PXK: variants seen among roughly 807,000 people sequenced by gnomAD.
PXK encodes the protein PX domain containing serine/threonine kinase like.
Under a neutral mutation model 84.7 loss-of-function variants are expected in PXK, and 35 were observed. That is an observed-to-expected ratio of 0.41 (90% CI 0.32 to 0.55). The LOEUF is 0.55. Ranked by LOEUF, PXK falls within the 20% of genes least tolerant of loss-of-function variation. PXK has a pLI of 0.21. For missense variants in PXK, 634 were observed against 699.7 expected, an observed-to-expected ratio of 0.91 and a Z score of 1.06; for synonymous variants, 253 against 260.8, an observed-to-expected ratio of 0.97 and a Z score of 0.29.
At chr3:58,408,553 C>T (rs1166399970) in intron 13 of PXK, among the ~76,000 whole-genome samples, 3 of 149,190 alleles carry the variant, frequency 2.0e-5, no homozygotes, top group African/African-American at 5.0e-5. Context: ...GATGGAGTCT[C>T]GCTCTGTCAC....
chr3:58,399,432 C>A lies in PXK; in HGVS notation c.1181+55C>A. The A allele has an allele frequency of 6.6e-7, 1 of 1,516,210 alleles. No homozygotes were observed. Among genetic ancestry groups the A allele is most frequent in the Non-Finnish European group, 9.1e-7 (1 of 1,095,330 alleles). The allele number at this position is 1,516,210 out of a possible 1,614,324, so 93.9% of individuals were successfully genotyped here. A position where few individuals can be genotyped will look rare whatever the true frequency, so the allele number is the denominator to read the frequency against. On this transcript the variant is annotated intron_variant, in intron 12 of 17. Transcript: ENST00000356151. The surrounding 1 kb of genome is among the most constrained non-coding windows in gnomAD (Gnocchi z 4.3). ...CTTGATAACTATGTTGAACACCAGA[C>A]CACTGTGTCCAAGCACCTGGTACTG...
chr3:58,336,898 C>T (rs1364364074), intron 1 of PXK, among the ~76,000 whole-genome samples: 3 of 152,130 alleles, frequency 2.0e-5, no homozygotes, highest in African/African-American at 7.2e-5. Flanking sequence ...CAACCTCCAC[C>T]TCCCAGGTTC....
At position 58,374,514 on chromosome 3, in the gene PXK, C is replaced by T. The variant is rs77829272; in HGVS notation, c.201+5036C>T. ...CACTCTGCAGTTGTGCATAGAACTCCGGGGACTCCTCTGCTGGCTGTCTTG... is the reference window on the plus strand; with the variant it reads ...CACTCTGCAGTTGTGCATAGAACTCTGGGGACTCCTCTGCTGGCTGTCTTG... On this transcript the variant is annotated intron_variant, in intron 3 of 17. Transcript: ENST00000356151. Among the ~76,000 whole-genome samples the T allele has an allele frequency of 7.7e-3, 1,166 of 152,170 alleles. 71 individuals carry two copies. In the East Asian group the frequency reaches 0.17, roughly 22 times the overall value.
intron 1 of PXK, among the ~76,000 whole-genome samples, chr3:58,356,870 G>T (rs2098090905): frequency 1.3e-5 from 2 of 149,992 alleles, no homozygotes; most frequent in African/African-American, 4.9e-5. Flanking sequence ...CAAAGTGCTG[G>T]GATTAGAGGC....
At chr3:58,403,168 C>A (rs2107387179) in intron 12 of PXK, among the ~76,000 whole-genome samples, 1 of 152,128 alleles carries the variant, frequency 6.6e-6, no homozygotes, top group East Asian at 1.9e-4. Context: ...CCACACCCGG[C>A]TAATTTTTGT....
At chr3:58,363,784 T>C (rs2098227754) in intron 1 of PXK, among the ~76,000 whole-genome samples, 1 of 152,216 alleles carries the variant, frequency 6.6e-6, no homozygotes, top group Non-Finnish European at 1.5e-5. Context: ...TCCAGTAGTT[T>C]GTTGAGTAGG....
At position 58,409,518 on chromosome 3, in the gene PXK, A is replaced by G. The variant is rs970995438; in HGVS notation, c.1309-14A>G. 1 of 1,609,084 alleles carries G rather than the reference A, an allele frequency of 6.2e-7. No homozygotes were observed. Among genetic ancestry groups the G allele is most frequent in the Non-Finnish European group, 8.5e-7 (1 of 1,176,096 alleles). ...CTTATGTGGGATATGCTTACATCTT[A>G]TGGTCTTTTAAAGATTCACCAGCAT... is the stretch of plus-strand genomic sequence containing the variant. On this transcript the variant is annotated splice_polypyrimidine_tract_variant and intron_variant, in intron 14 of 17. Transcript: ENST00000356151. This position sits in a 1 kb window ranked among gnomAD's most constrained non-coding sequence, Gnocchi z 4.2.
intron 1 of PXK, among the ~76,000 whole-genome samples, chr3:58,363,177 A>T (rs912872818): frequency 2.0e-5 from 3 of 152,212 alleles, no homozygotes; most frequent in African/African-American, 7.2e-5. Context: ...TTTTCGACAT[A>T]CAAGTACTGT....
chr3:58,361,448 C>T (rs1051468410), intron 1 of PXK, among the ~76,000 whole-genome samples: 5 of 152,056 alleles, frequency 3.3e-5, no homozygotes, highest in African/African-American at 4.8e-5. Flanking sequence ...TCCATTATTG[C>T]GAGCATTCCT....
intron 9 of PXK, among the ~76,000 whole-genome samples, chr3:58,396,187 A>G (rs2057637655): frequency 6.6e-6 from 1 of 152,204 alleles, no homozygotes; most frequent in Non-Finnish European, 1.5e-5. Context: ...ATGCAACCTT[A>G]TCAGTAATAA....
intron 4 of PXK, among the ~76,000 whole-genome samples, chr3:58,386,864 T>C (rs988548029): frequency 6.6e-6 from 1 of 152,216 alleles, no homozygotes; most frequent in African/African-American, 2.4e-5. Context: ...GTTCCCCTTT[T>C]AGGCCTAAAG....
chr3:58,360,125 C>T (rs1575981959), intron 1 of PXK, among the ~76,000 whole-genome samples: 2 of 152,030 alleles, frequency 1.3e-5, no homozygotes, highest in Non-Finnish European at 2.9e-5. Context: ...CAGAGTAACA[C>T]CTTATCTTTA....
chr3:58,381,389 A>G (rs1284057446), intron 3 of PXK, among the ~76,000 whole-genome samples: 2 of 152,072 alleles, frequency 1.3e-5, no homozygotes, highest in Non-Finnish European at 2.9e-5. Flanking sequence ...GGATGAAAGG[A>G]GGTCCCAGGA....
intron 12 of PXK, among the ~76,000 whole-genome samples, chr3:58,403,539 A>G (rs2058929107): frequency 6.6e-6 from 1 of 152,224 alleles, no homozygotes; most frequent in Non-Finnish European, 1.5e-5. Context: ...TACCGCATAT[A>G]TTATTTGCGA....
Position 58,391,032 on chromosome 3 carries a change from A to G in PXK, c.467-115A>G, listed in dbSNP as rs552417250. The G allele has an allele frequency of 1.5e-3, 1,057 of 721,616 alleles. 20 individuals carry two copies. In the South Asian group the frequency reaches 0.017, roughly 12 times the overall value. 44.7% of individuals were successfully genotyped at this position (721,616 alleles called of 1,614,324 possible). On this transcript the variant is annotated intron_variant, in intron 5 of 17. Transcript: ENST00000356151. Reference sequence around the variant, plus strand: ...TCAAATGGTTCTTTTACTTGTGCCTATGTAGCTGCGAATAATATTGCCAAA... The same window carrying G: ...TCAAATGGTTCTTTTACTTGTGCCTGTGTAGCTGCGAATAATATTGCCAAA...
chr3:58,382,751 C>G, intron 4 of PXK, 51 bp downstream of exon 4: 5 of 1,321,408 alleles, frequency 3.8e-6, no homozygotes, highest in Non-Finnish European at 5.0e-6. Flanking sequence ...GAGGCACTGT[C>G]CCTTGCTGGA....
chr3:58,412,968 G>A lies in PXK; in HGVS notation c.1528+5G>A, dbSNP rs1331024177. On this transcript the variant is annotated splice_donor_5th_base_variant and intron_variant, in intron 17 of 17. Transcript: ENST00000356151. The surrounding 1 kb of genome is among the most constrained non-coding windows in gnomAD (Gnocchi z 6.2). ...CAACTCCACCCTCTACATCAGGTTAGTGATGGAGTAAAGTGACATGCCACC... is the reference window on the plus strand; with the variant it reads ...CAACTCCACCCTCTACATCAGGTTAATGATGGAGTAAAGTGACATGCCACC... The A allele has an allele frequency of 6.2e-7, 1 of 1,613,920 alleles. No homozygotes were observed. The highest frequency in any genetic ancestry group is 8.5e-7 in the Non-Finnish European group (1 of 1,179,828).
At chr3:58,346,923 C>T (rs1000955098) in intron 1 of PXK, among the ~76,000 whole-genome samples, 1 of 152,164 alleles carries the variant, frequency 6.6e-6, no homozygotes, top group African/African-American at 2.4e-5. Flanking sequence ...ACTGCAACCT[C>T]CGCCTCCCAG....
At chr3:58,374,256 C>T (rs1308254361) in intron 3 of PXK, among the ~76,000 whole-genome samples, 1 of 151,070 alleles carries the variant, frequency 6.6e-6, no homozygotes, top group Non-Finnish European at 1.5e-5. Flanking sequence ...CTGCAACCTC[C>T]ACCTCCCGGG....
Sources: gnomAD v4.1 joint callset for allele counts (sites outside exome capture counted in the v4.1 genomes callset) on GRCh38, gnomAD v4.1.1 for gene constraint, Gnocchi (gnomAD v3.1) non-coding constraint, MANE v1.5 for transcripts, NCBI Gene and HGNC (gene_info 2026-07-23, HGNC 2026-07-21) for gene names.